ARHGAP29: variants seen among roughly 807,000 people sequenced by gnomAD.
ARHGAP29 encodes the protein Rho GTPase activating protein 29, also known as rho GTPase-activating protein 29.
In ARHGAP29, 43 loss-of-function variants were observed where a neutral mutation model predicts 122.6. The ratio of observed to expected loss-of-function variants is 0.35; its 90% confidence interval spans 0.27 to 0.45. The LOEUF is 0.45. ARHGAP29 is among the 20% of genes least tolerant of loss of function. ARHGAP29 has a pLI of 1.00. For missense variants in ARHGAP29, 1,303 were observed against 1,477.2 expected (o/e 0.88, Z 1.93); for synonymous variants, 506 against 497.1 (o/e 1.02, Z -0.24).
chr1:94,170,431 G>A lies in ARHGAP29; in HGVS notation c.*3438C>T, dbSNP rs1477736284. ...AAAGACAAGTCTGAAAAGATGTTCTGGACTGAATGAAACAAGAGATAGGGC... is the reference window on the plus strand; with the variant it reads ...AAAGACAAGTCTGAAAAGATGTTCTAGACTGAATGAAACAAGAGATAGGGC... On this transcript the variant is annotated 3_prime_UTR_variant, in exon 23 of 23. Transcript: ENST00000260526. 1.3e-5 allele frequency among the ~76,000 whole-genome samples: 2 copies of A among 152,148 alleles called. No homozygotes were observed. The highest frequency in any genetic ancestry group is 6.5e-5 in the Admixed American group (1 of 15,280).
At chr1:94,290,552 G>T in the ARHGAP29 span, among the ~76,000 whole-genome samples, 2 of 152,102 alleles carry the variant, frequency 1.3e-5, no homozygotes, top group East Asian at 3.9e-4. Context: ...TTTCTCTTGT[G>T]GGCATTTAGT....
intron 12 of ARHGAP29, chr1:94,194,451 A>C (rs1172271865): frequency 1.3e-5 from 2 of 152,214 alleles, no homozygotes; most frequent in African/African-American, 4.8e-5. Context: ...CTGCTACAAC[A>C]AAAATACCAC....
chr1:94,269,285 G>A (rs769078149), intron 1 of ARHGAP29, among the ~76,000 whole-genome samples: 1 of 152,134 alleles, frequency 6.6e-6, no homozygotes, highest in Non-Finnish European at 1.5e-5. Flanking sequence ...TATAGACGAC[G>A]AAAGGACAAA....
At position 94,215,624 on chromosome 1, in the gene ARHGAP29, G is replaced by A. The variant is rs566182302; in HGVS notation, c.340+4634C>T. ...CACTTAGATACTTTACAATGTTTCTGAAGACTTAAATTCAACAAATGAAAC... is the reference window on the plus strand; with the variant it reads ...CACTTAGATACTTTACAATGTTTCTAAAGACTTAAATTCAACAAATGAAAC... On this transcript the variant is annotated intron_variant, in intron 3 of 22. Coordinates refer to ENST00000260526, the MANE Select transcript of ARHGAP29 (RefSeq NM_004815.4). Among the ~76,000 whole-genome samples, 9 of 152,188 alleles carry A rather than the reference G, an allele frequency of 5.9e-5. No individual in the cohort carries two copies. The South Asian group carries it at 8.3e-4, about 14-fold the overall frequency.
chr1:94,261,912 C>T (rs901568467), intron 1 of ARHGAP29, among the ~76,000 whole-genome samples: 4 of 152,242 alleles, frequency 2.6e-5, no homozygotes, highest in South Asian at 2.1e-4. Flanking sequence ...TTTTAAACTT[C>T]GTATGGAACC....
At chr1:94,235,146 GTGC>G (rs1409478749) in intron 1 of ARHGAP29, among the ~76,000 whole-genome samples, 1 of 152,062 alleles carries the variant, frequency 6.6e-6, no homozygotes, top group African/African-American at 2.4e-5. Context: ...AATGATTAAT[GTGC>G]TGATTTTGTT....
At chr1:94,267,985 G>T (rs963488846) in intron 1 of ARHGAP29, among the ~76,000 whole-genome samples, 9 of 152,018 alleles carry the variant, frequency 5.9e-5, no homozygotes, top group African/African-American at 1.9e-4. Context: ...GCTAATATTT[G>T]TTCTGTTACT....
At chr1:94,293,672 T>A in the ARHGAP29 span, among the ~76,000 whole-genome samples, 2 of 152,118 alleles carry the variant, frequency 1.3e-5, no homozygotes, top group African/African-American at 4.8e-5. Flanking sequence ...TTTATAGCAA[T>A]GTGAGAACAG....
rs557199577 is a variant in ARHGAP29, at chr1:94,178,134, G to A, written c.2514C>T (p.Asn838=). 2.4e-4 allele frequency: 389 copies of A among 1,613,890 alleles called. 4 individuals are homozygous for A. The South Asian group carries it at 4.1e-3, about 17-fold the overall frequency. The part of the protein sequence containing the change: ...VVDHAEENKM[N]SKNLGVIFGP... ...CAAATATCACCCCCAAGTTTTTGGAGTTCATCTTGTTTTCTTCTGCATGAT... is the reference window on the plus strand; with the variant it reads ...CAAATATCACCCCCAAGTTTTTGGAATTCATCTTGTTTTCTTCTGCATGAT... Residue 838 remains asparagine, a synonymous_variant, in exon 21 of 23, where the codon AAC becomes AAT. Transcript: ENST00000260526.
chr1:94,188,805 G>C (rs1649962352), intron 15 of ARHGAP29, 32 bp downstream of exon 15: 1 of 1,550,162 alleles, frequency 6.5e-7, no homozygotes, highest in Non-Finnish European at 8.8e-7. Flanking sequence ...CTTTCAATGA[G>C]TTTTCATTGC....
At chr1:94,238,623 G>A (rs892759993), upstream of ARHGAP29, among the ~76,000 whole-genome samples, 1 of 152,044 alleles carries the variant, frequency 6.6e-6, no homozygotes, top group Admixed American at 6.6e-5. Flanking sequence ...GACCACACAC[G>A]GGAGAAACAG....
At chr1:94,285,214 T>C in the ARHGAP29 span, among the ~76,000 whole-genome samples, 2 of 152,156 alleles carry the variant, frequency 1.3e-5, no homozygotes, top group African/African-American at 4.8e-5. Flanking sequence ...AGTTGGACAG[T>C]GTGTTTTGTT....
chr1:94,289,702 A>G, the ARHGAP29 span, among the ~76,000 whole-genome samples: 3 of 152,138 alleles, frequency 2.0e-5, no homozygotes, highest in African/African-American at 7.2e-5. Flanking sequence ...TCAGCATGAA[A>G]GGCTGTTGAA....
chr1:94,206,991 A>G (rs1243023372), intron 5 of ARHGAP29, among the ~76,000 whole-genome samples: 2 of 148,576 alleles, frequency 1.3e-5, no homozygotes, highest in African/African-American at 2.5e-5. Flanking sequence ...AGAGAGAGAG[A>G]AGGAGCAACT....
intron 1 of ARHGAP29, among the ~76,000 whole-genome samples, chr1:94,236,841 C>G (rs2101628433): frequency 6.6e-6 from 1 of 152,178 alleles, no homozygotes; most frequent in South Asian, 2.1e-4. Flanking sequence ...GAATGAGAGC[C>G]CAACTGGAGT....
intron 1 of ARHGAP29, among the ~76,000 whole-genome samples, chr1:94,256,534 A>C (rs796507070): frequency 1.3e-5 from 1 of 78,668 alleles, no homozygotes; most frequent in African/African-American, 5.7e-5. Context: ...AACAGTACTA[A>C]TCTTTTTTTT....
At position 94,270,217 on chromosome 1, in the gene ARHGAP29, A is replaced by G. The variant is rs964266835; in HGVS notation, c.-33+4795T>C. 2.5e-4 allele frequency among the ~76,000 whole-genome samples: 38 copies of G among 152,314 alleles called. 1 individual carries two copies. The highest frequency in any genetic ancestry group is 4.6e-4 in the African/African-American group (19 of 41,572). On this transcript the variant is annotated intron_variant and NMD_transcript_variant, in intron 1 of 25. Coordinates refer to the ARHGAP29 transcript ENST00000552844. ...AAATAAACTCTATCAAGATTCAGGG[A>G]TCTGCCACTTCAATAAAGTTTTTGG...
Position 94,174,423 on chromosome 1 carries a change from G to A in ARHGAP29, c.3232C>T (p.Gln1078Ter). Residue 1078 changes from glutamine to a stop codon, truncating the protein, a stop_gained, in exon 23 of 23, where the codon CAG becomes TAG. Coordinates refer to ENST00000260526, the MANE Select transcript of ARHGAP29 (RefSeq NM_004815.4). LOFTEE classifies it low-confidence loss of function (END_TRUNC). ...TCATACTGTTTGTCCTGAATTTTCT[G>A]TAGAGTTTGCTGGTCAAAGCCATTA... The part of the protein sequence containing the change: ...KFNGFDQQTL[Q>*]KIQDKQYEQN... The A allele has an allele frequency of 6.2e-7, 1 of 1,614,202 alleles. No individual in the cohort carries two copies. Among genetic ancestry groups the A allele is most frequent in the Non-Finnish European group, 8.5e-7 (1 of 1,180,042 alleles).
chr1:94,197,104 A>T (rs1294030091), intron 12 of ARHGAP29, among the ~76,000 whole-genome samples: 1 of 152,212 alleles, frequency 6.6e-6, no homozygotes, highest in Non-Finnish European at 1.5e-5. Context: ...AATAAGACTT[A>T]TAAACCTCTT....
Sources: allele counts gnomAD v4.1 joint callset (sites outside exome capture counted in the v4.1 genomes callset), GRCh38; gene constraint gnomAD v4.1.1; transcripts MANE v1.5; gene names NCBI Gene and HGNC (gene_info 2026-07-23, HGNC 2026-07-21).